Variants in AGPAT5 observed in about 807,000 individuals in gnomAD.
AGPAT5 encodes the protein 1-acyl-sn-glycerol-3-phosphate acyltransferase epsilon.
A neutral mutation model predicts 45.6 loss-of-function variants in AGPAT5; 46 were observed. The ratio of observed to expected loss-of-function variants is 1.01; its 90% CI spans 0.80 to 1.29. AGPAT5 has a LOEUF of 1.29. Ranked by LOEUF, AGPAT5 falls within the 50% of genes most tolerant of loss-of-function variation. The probability of loss-of-function intolerance (pLI) is 0.00; values close to 1 mark genes in which losing one functional copy is unlikely to be tolerated. For missense variants in AGPAT5, 673 were observed against 450.7 expected, an observed-to-expected ratio of 1.49 and a Z score of -4.47; for synonymous variants, 272 against 167.0, an observed-to-expected ratio of 1.63 and a Z score of -4.85.
chr8:6,747,438 G>C (rs1348820562), intron 5 of AGPAT5, among the ~76,000 whole-genome samples: 1 of 152,186 alleles, frequency 6.6e-6, no homozygotes, highest in African/African-American at 2.4e-5. Flanking sequence ...TTCCAACACG[G>C]TGACTTGTAC....
intron 1 of AGPAT5, among the ~76,000 whole-genome samples, chr8:6,722,756 G>C (rs889568588): frequency 2.0e-5 from 3 of 152,314 alleles, no homozygotes; most frequent in African/African-American, 7.2e-5. Flanking sequence ...TAACTAGTTT[G>C]TCCTTTGTGA....
intron 4 of AGPAT5, among the ~76,000 whole-genome samples, chr8:6,733,522 A>C (rs772670590): frequency 6.6e-6 from 1 of 152,182 alleles, no homozygotes; most frequent in Non-Finnish European, 1.5e-5. Context: ...GTTGGGTGAC[A>C]GAAGCAGAAT....
intron 4 of AGPAT5, among the ~76,000 whole-genome samples, chr8:6,735,884 T>G (rs1801037337): frequency 7.5e-6 from 1 of 133,138 alleles, no homozygotes; most frequent in Non-Finnish European, 1.6e-5. Flanking sequence ...AGTTGGAGTC[T>G]CGGTCTGTCA....
intron 1 of AGPAT5, among the ~76,000 whole-genome samples, chr8:6,710,808 G>A (rs941027929): frequency 1.3e-5 from 2 of 152,118 alleles, no homozygotes; most frequent in African/African-American, 4.8e-5. Flanking sequence ...TTATAGTGAT[G>A]TTCTGTCACC....
At chr8:6,724,713 T>C (rs1002569740) in intron 1 of AGPAT5, among the ~76,000 whole-genome samples, 157 bp from the exon 2 acceptor site, 1 of 152,246 alleles carries the variant, frequency 6.6e-6, no homozygotes, top group African/African-American at 2.4e-5. Context: ...ACCTGCGCTA[T>C]TTATGATCTC....
rs1393641654 is a variant in AGPAT5, at chr8:6,758,649, T to G, written c.*1261T>G. Reference sequence around the variant, plus strand: ...CTGAACGAATTTGTTTATTTCCCATTAGGTTTAGTGGAGCTACACATTAAT... The same window carrying G: ...CTGAACGAATTTGTTTATTTCCCATGAGGTTTAGTGGAGCTACACATTAAT... On this transcript the variant is annotated 3_prime_UTR_variant, in exon 8 of 8. Transcript: ENST00000285518. The G allele has an allele frequency of 6.6e-6, 1 of 152,646 alleles. No individual in the cohort carries two copies. The highest frequency in any genetic ancestry group is 2.4e-5 in the African/African-American group (1 of 41,472). 9.5% of individuals were successfully genotyped at this position (152,646 alleles called of 1,614,324 possible).
intron 3 of AGPAT5, among the ~76,000 whole-genome samples, chr8:6,731,600 T>A (rs1470926471): frequency 2.6e-5 from 4 of 152,160 alleles, no homozygotes; most frequent in Admixed American, 2.6e-4. Context: ...GTGGAACTCA[T>A]GGATGTGAAG....
At chr8:6,740,121 C>A (rs926089332) in intron 4 of AGPAT5, among the ~76,000 whole-genome samples, 2 of 152,240 alleles carry the variant, frequency 1.3e-5, no homozygotes, top group Non-Finnish European at 2.9e-5. Context: ...TTCATGCCTT[C>A]CTGCTGTCTG....
chr8:6,737,290 C>G (rs191639762), intron 4 of AGPAT5, among the ~76,000 whole-genome samples: 1 of 152,256 alleles, frequency 6.6e-6, no homozygotes, highest in East Asian at 1.9e-4. Context: ...ACATCTTGCT[C>G]AGGTTCTTAT....
Position 6,724,879 on chromosome 8 carries a change from T to C in AGPAT5, c.229T>C (p.Tyr77His). 9.4e-7 allele frequency: 1 copy of C among 1,061,502 alleles called. No homozygotes were observed. The highest frequency in any genetic ancestry group is 1.3e-6 in the Non-Finnish European group (1 of 785,022). The allele number at this position is 1,061,502 out of a possible 1,614,324, so 65.8% of individuals were successfully genotyped here. ...TTGTTTTATCTTTTAGATATTGCTA[T>C]ATGGAGATTTGCCAAAAAATAAAGA... ...ENYTGVQILL[Y>H]GDLPKNKENI... The change falls in exon 2 of 8, where the codon TAT becomes CAT. Residue 77 changes from tyrosine to histidine, a missense_variant. Transcript: ENST00000285518.
intron 5 of AGPAT5, chr8:6,746,137 C>T (rs1295727723): frequency 6.6e-6 from 1 of 152,134 alleles, no homozygotes; most frequent in East Asian, 1.9e-4. Context: ...CTAAAGCAGT[C>T]CTCCTGAGTA....
At chr8:6,756,518 C>T (rs926557832) in intron 7 of AGPAT5, among the ~76,000 whole-genome samples, 7 of 150,538 alleles carry the variant, frequency 4.6e-5, no homozygotes, top group African/African-American at 9.8e-5. Context: ...CTCAGGAGGC[C>T]GAGGTGCGAG....
chr8:6,714,569 A>C (rs925334559), intron 1 of AGPAT5, among the ~76,000 whole-genome samples: 2 of 152,232 alleles, frequency 1.3e-5, no homozygotes, highest in Non-Finnish European at 2.9e-5. Context: ...CACAGATGCA[A>C]TTATACATTC....
intron 6 of AGPAT5, among the ~76,000 whole-genome samples, chr8:6,751,801 G>A (rs1247027876): frequency 1.3e-5 from 2 of 152,060 alleles, no homozygotes; most frequent in African/African-American, 2.4e-5. Context: ...TTTGAGTATT[G>A]TGTATGATCC....
chr8:6,726,171 A>T (rs1488938096), intron 2 of AGPAT5, among the ~76,000 whole-genome samples: 1 of 152,220 alleles, frequency 6.6e-6, no homozygotes, highest in East Asian at 1.9e-4. Context: ...TGCTGCTGAG[A>T]ACTCTGGCCT....
chr8:6,731,757 AG>A (rs1017873670), intron 3 of AGPAT5, among the ~76,000 whole-genome samples: 5 of 151,842 alleles, frequency 3.3e-5, no homozygotes, highest in African/African-American at 1.2e-4. Flanking sequence ...AAAAAAAAAA[AG>A]CAAACTGTAT....
At chr8:6,713,458 C>T (rs1007582262) in intron 1 of AGPAT5, among the ~76,000 whole-genome samples, 1 of 152,124 alleles carries the variant, frequency 6.6e-6, no homozygotes, top group Admixed American at 6.5e-5. Context: ...TTCAGTTGAC[C>T]TGCTTTAAGT....
rs1368336600 is a variant in AGPAT5, at chr8:6,759,588, G to C, written c.*2200G>C. On this transcript the variant is annotated 3_prime_UTR_variant, in exon 8 of 8. Coordinates refer to ENST00000285518, the MANE Select transcript of AGPAT5 (RefSeq NM_018361.5). ...TTCTTTATAAGAATGCCGTCGATGTGCATGCTTTTATGTTTTTCAGAAAAG... is the reference window on the plus strand; with the variant it reads ...TTCTTTATAAGAATGCCGTCGATGTCCATGCTTTTATGTTTTTCAGAAAAG... The C allele has an allele frequency of 1.3e-5, 2 of 151,816 alleles. No homozygotes were observed. The highest frequency in any genetic ancestry group is 6.6e-5 in the Admixed American group (1 of 15,232). The allele number at this position is 151,816 out of a possible 1,614,324, so 9.4% of individuals were successfully genotyped here. A position where few individuals can be genotyped will look rare whatever the true frequency, so the allele number is the denominator to read the frequency against.
intron 1 of AGPAT5, among the ~76,000 whole-genome samples, chr8:6,711,405 ATCCTTTTAGG>A (rs1417225088): frequency 6.6e-6 from 1 of 152,236 alleles, no homozygotes; most frequent in Non-Finnish European, 1.5e-5. Context: ...TAACTCGTTT[ATCCTTTTAGG>A]TCCTTCCAGA....
Sources: gnomAD v4.1 joint callset for allele counts (sites outside exome capture counted in the v4.1 genomes callset) on GRCh38, gnomAD v4.1.1 for gene constraint, MANE v1.5 for transcripts, NCBI Gene and HGNC (gene_info 2026-07-23, HGNC 2026-07-21) for gene names.